CDH9: variants seen among roughly 807,000 people sequenced by gnomAD.
CDH9 encodes cadherin-9.
In CDH9, 28 loss-of-function variants were observed where a neutral mutation model predicts 70.9. The ratio of observed to expected loss-of-function variants is 0.40; its 90% confidence interval spans 0.29 to 0.54. The LOEUF (loss-of-function observed/expected upper bound fraction) is 0.54, where lower values mean the gene tolerates loss of function less well. Ranked by LOEUF, CDH9 falls within the 20% of genes least tolerant of loss-of-function variation. The probability of loss-of-function intolerance (pLI) is 0.59; values close to 1 mark genes in which losing one functional copy is unlikely to be tolerated. For missense variants in CDH9, 874 were observed against 984.4 expected (o/e 0.89, Z 1.50); for synonymous variants, 409 against 343.1 (o/e 1.19, Z -2.12).
intron 1 of CDH9, among the ~76,000 whole-genome samples, chr5:27,015,309 G>T (rs1743028408): frequency 6.6e-6 from 1 of 151,568 alleles, no homozygotes; most frequent in Admixed American, 6.6e-5. Context: ...TATTTATTAA[G>T]ACTTTTTTTC....
chr5:26,938,640 A>G (rs565640387), intron 2 of CDH9, among the ~76,000 whole-genome samples: 27 of 152,242 alleles, frequency 1.8e-4, no homozygotes, highest in Non-Finnish European at 3.4e-4. Flanking sequence ...TTGCACATAT[A>G]TGTCAATGCT....
chr5:26,958,206 A>T (rs1328976552), intron 2 of CDH9, among the ~76,000 whole-genome samples: 34 of 152,198 alleles, frequency 2.2e-4, no homozygotes, highest in Non-Finnish European at 1.5e-5. Context: ...GAGAGTGAAA[A>T]TGAGAAGAAA....
At chr5:26,920,310 T>G (rs1310567148) in intron 2 of CDH9, among the ~76,000 whole-genome samples, 1 of 151,344 alleles carries the variant, frequency 6.6e-6, no homozygotes, top group East Asian at 2.0e-4. Flanking sequence ...GACTGAGGGA[T>G]TTTTTCATGT....
At chr5:26,967,708 C>CT (rs1247636791) in intron 2 of CDH9, among the ~76,000 whole-genome samples, 2 of 150,604 alleles carry the variant, frequency 1.3e-5, no homozygotes, top group East Asian at 2.0e-4. Context: ...TTTTTTACAC[C>CT]TTTTTTTTTC....
intron 2 of CDH9, among the ~76,000 whole-genome samples, chr5:26,980,902 T>C (rs1742388344): frequency 6.6e-6 from 1 of 152,100 alleles, no homozygotes; most frequent in Admixed American, 6.5e-5. Flanking sequence ...CTATGATTTC[T>C]AGGACTTAAG....
Position 27,022,519 on chromosome 5 carries a change from G to A in CDH9, c.-50+15944C>T, listed in dbSNP as rs151282472. ...TATAACGAGTTCAGTCAAATGAGTTGATTACTAATTGAATTAGTCATACCA... is the reference window on the plus strand; with the variant it reads ...TATAACGAGTTCAGTCAAATGAGTTAATTACTAATTGAATTAGTCATACCA... On this transcript the variant is annotated intron_variant, in intron 1 of 11. Transcript: ENST00000231021. 7.8e-3 allele frequency among the ~76,000 whole-genome samples: 1,189 copies of A among 152,058 alleles called. 21 individuals are homozygous for A. Among genetic ancestry groups the A allele is most frequent in the African/African-American group, 0.027 (1,128 of 41,506 alleles).
chr5:26,963,959 C>T (rs1215993562), intron 2 of CDH9, among the ~76,000 whole-genome samples: 1 of 151,952 alleles, frequency 6.6e-6, no homozygotes, highest in Non-Finnish European at 1.5e-5. Flanking sequence ...ACTTAAAGAG[C>T]TTTTACCAAA....
At chr5:26,999,983 T>C (rs1163980670) in intron 1 of CDH9, among the ~76,000 whole-genome samples, 2 of 152,104 alleles carry the variant, frequency 1.3e-5, no homozygotes, top group Non-Finnish European at 2.9e-5. Flanking sequence ...GGTCTGACGA[T>C]GAATTTTAGA....
intron 1 of CDH9, among the ~76,000 whole-genome samples, chr5:27,012,674 A>G (rs1023540598): frequency 6.6e-6 from 1 of 152,060 alleles, no homozygotes. Flanking sequence ...AAATCAAACA[A>G]GAAACAATTA....
intron 11 of CDH9, among the ~76,000 whole-genome samples, chr5:26,884,528 A>T (rs1740527517): frequency 6.6e-6 from 1 of 152,110 alleles, no homozygotes; most frequent in African/African-American, 2.4e-5. Context: ...GGGGATTGAA[A>T]CTGCTGATGG....
At chr5:26,904,262 T>C (rs1740908309) in intron 5 of CDH9, among the ~76,000 whole-genome samples, 1 of 151,770 alleles carries the variant, frequency 6.6e-6, no homozygotes, top group Admixed American at 6.6e-5. Flanking sequence ...AATAATGCCA[T>C]ACAGACCAAT....
intron 2 of CDH9, among the ~76,000 whole-genome samples, chr5:26,931,757 A>ATG (rs1207015302): frequency 6.6e-6 from 1 of 151,952 alleles, no homozygotes; most frequent in Non-Finnish European, 1.5e-5. Context: ...GTGTGTCTGT[A>ATG]TGTGTGTGTG....
chr5:26,975,884 G>T (rs1375401205), intron 2 of CDH9, among the ~76,000 whole-genome samples: 8 of 152,132 alleles, frequency 5.3e-5, no homozygotes, highest in Non-Finnish European at 1.0e-4. Flanking sequence ...CAATATTATT[G>T]TGCTGAGGAG....
intron 1 of CDH9, among the ~76,000 whole-genome samples, chr5:27,003,054 C>G (rs114784535): frequency 6.6e-6 from 1 of 151,976 alleles, no homozygotes; most frequent in Non-Finnish European, 1.5e-5. Flanking sequence ...AGAAATGTTT[C>G]GGTTTTGGAT....
At chr5:26,947,141 G>T (rs1741768880) in intron 2 of CDH9, among the ~76,000 whole-genome samples, 1 of 152,042 alleles carries the variant, frequency 6.6e-6, no homozygotes, top group Non-Finnish European at 1.5e-5. Flanking sequence ...TTTTTGAATT[G>T]TCCTAGTCCT....
chr5:27,004,541 G>A (rs992765029), intron 1 of CDH9, among the ~76,000 whole-genome samples: 3 of 152,092 alleles, frequency 2.0e-5, no homozygotes, highest in African/African-American at 7.2e-5. Context: ...AGAAAATAAT[G>A]AGGAGATTGA....
chr5:27,006,680 A>G (rs1742870088), intron 1 of CDH9, among the ~76,000 whole-genome samples: 1 of 152,112 alleles, frequency 6.6e-6, no homozygotes, highest in Non-Finnish European at 1.5e-5. Flanking sequence ...AGTCCTTCCC[A>G]ATGATTGCAT....
At chr5:26,976,004 T>C (rs1009167744) in intron 2 of CDH9, among the ~76,000 whole-genome samples, 9 of 152,198 alleles carry the variant, frequency 5.9e-5, no homozygotes, top group Non-Finnish European at 1.2e-4. Context: ...AATGCCCAAC[T>C]GTTTTGTTGT....
chr5:26,984,423 G>A (rs928153145), intron 2 of CDH9, among the ~76,000 whole-genome samples: 2 of 152,102 alleles, frequency 1.3e-5, no homozygotes, highest in African/African-American at 4.8e-5. Context: ...TGTCTGCTGT[G>A]TCTGGGTATT....
Sources: gnomAD v4.1 joint callset for allele counts (sites outside exome capture counted in the v4.1 genomes callset) on GRCh38, gnomAD v4.1.1 for gene constraint, MANE v1.5 for transcripts, NCBI Gene and HGNC (gene_info 2026-07-23, HGNC 2026-07-21) for gene names.